ATE1: variants seen among roughly 807,000 people sequenced by gnomAD.
ATE1 encodes arginyltransferase 1, also known as arginyl-tRNA--protein transferase 1.
ATE1 carries 36 observed loss-of-function variants against 70.5 expected under a neutral mutation model. The observed-to-expected ratio is 0.51, with a 90% confidence interval of 0.39 to 0.67. The LOEUF (loss-of-function observed/expected upper bound fraction) is 0.67, where lower values mean the gene tolerates loss of function less well. Ranked by LOEUF, ATE1 falls within the 30% of genes least tolerant of loss-of-function variation. The pLI is 0.00. For missense variants in ATE1, 593 were observed against 629.5 expected (o/e 0.94, Z 0.62); for synonymous variants, 232 against 219.3 (o/e 1.06, Z -0.51).
intron 11 of ATE1, among the ~76,000 whole-genome samples, chr10:121,789,591 A>G (rs1156856130): frequency 6.6e-6 from 1 of 151,930 alleles, no homozygotes; most frequent in Non-Finnish European, 1.5e-5. Context: ...GAGCCACGGC[A>G]CCCAGCCAGG....
chr10:121,922,273 A>G, intron 3 of ATE1, 76 bp downstream of exon 3: 1 of 1,046,044 alleles, frequency 9.6e-7, no homozygotes, highest in Non-Finnish European at 1.4e-6. Flanking sequence ...AACATTAAAA[A>G]AGCACAAGAG....
intron 8 of ATE1, among the ~76,000 whole-genome samples, chr10:121,854,889 C>T (rs1241894681): frequency 6.6e-6 from 1 of 152,150 alleles, no homozygotes; most frequent in South Asian, 2.1e-4. Flanking sequence ...AAGTTTCCTC[C>T]CCTTTTCAGG....
intron 7 of ATE1, among the ~76,000 whole-genome samples, 168 bp downstream of exon 7, chr10:121,899,698 A>C (rs1950905417): frequency 6.6e-6 from 1 of 152,186 alleles, no homozygotes; most frequent in Non-Finnish European, 1.5e-5. Context: ...GCACTAGGTA[A>C]AATTTGCACT....
Position 121,899,776 on chromosome 10 carries a change from G to A in ATE1, c.942+90C>T, listed in dbSNP as rs527992655. On this transcript the variant is annotated intron_variant, in intron 7 of 11. Transcript: ENST00000224652. ...GCTGCAAATTGAACACAAATAAAAT[G>A]TAGCACAAATAAACCAAGATTTCAT... The A allele has an allele frequency of 3.3e-6, 5 of 1,503,712 alleles. No homozygotes were observed. In the South Asian group the frequency reaches 6.7e-5, roughly 20 times the overall value. The allele number at this position is 1,503,712 out of a possible 1,614,324, so 93.1% of individuals were successfully genotyped here.
intron 10 of ATE1, among the ~76,000 whole-genome samples, chr10:121,812,142 G>T (rs1947349736): frequency 6.6e-6 from 1 of 151,742 alleles, no homozygotes; most frequent in East Asian, 1.9e-4. Context: ...TTTTTGTAGA[G>T]ACTGGGTTTT....
chr10:121,865,819 A>C (rs1949645368), intron 8 of ATE1, among the ~76,000 whole-genome samples: 1 of 152,246 alleles, frequency 6.6e-6, no homozygotes, highest in African/African-American at 2.4e-5. Context: ...TTCAAATGAC[A>C]ACATATCAAA....
chr10:121,797,353 A>G (rs1946698607), intron 10 of ATE1, among the ~76,000 whole-genome samples: 1 of 152,118 alleles, frequency 6.6e-6, no homozygotes, highest in South Asian at 2.1e-4. Context: ...TTCATATACC[A>G]TTAAATTCAC....
chr10:121,819,134 T>A (rs1011544605), intron 10 of ATE1, among the ~76,000 whole-genome samples: 1 of 152,216 alleles, frequency 6.6e-6, no homozygotes, highest in African/African-American at 2.4e-5. Context: ...TTCATTTTCA[T>A]TAACTTGAAA....
intron 4 of ATE1, 128 bp from the exon 5 acceptor site, chr10:121,911,279 T>A (rs1951414108): frequency 1.7e-6 from 2 of 1,182,744 alleles, no homozygotes; most frequent in South Asian, 2.8e-5. Flanking sequence ...TCCATTCTCA[T>A]CCTCCAAAAT....
intron 5 of ATE1, among the ~76,000 whole-genome samples, chr10:121,904,446 C>T (rs1212182990): frequency 1.3e-5 from 2 of 150,720 alleles, no homozygotes; most frequent in Non-Finnish European, 3.0e-5. Context: ...TTGAGACCAA[C>T]CTGGCTAACA....
chr10:121,837,834 T>A lies in ATE1; in HGVS notation c.1158-1017A>T, dbSNP rs182154800. ...AGTTCAAACTGAGGAAAGAATGCACTGACACAAGCAAGCGTAAGACCACCA... is the reference window on the plus strand; with the variant it reads ...AGTTCAAACTGAGGAAAGAATGCACAGACACAAGCAAGCGTAAGACCACCA... On this transcript the variant is annotated intron_variant, in intron 9 of 11. Coordinates refer to ENST00000224652, the MANE Select transcript of ATE1 (RefSeq NM_001001976.3). Among the ~76,000 whole-genome samples, 3 of 152,250 alleles carry A rather than the reference T, an allele frequency of 2.0e-5. No individual in the cohort carries two copies. The East Asian group carries it at 5.8e-4, about 29-fold the overall frequency.
At chr10:121,857,051 C>T (rs1949275413) in intron 8 of ATE1, among the ~76,000 whole-genome samples, 1 of 152,274 alleles carries the variant, frequency 6.6e-6, no homozygotes, top group Admixed American at 6.5e-5. Context: ...AGTAAAACAT[C>T]CATAAAATTT....
At chr10:121,882,769 G>A (rs1041095102) in intron 7 of ATE1, among the ~76,000 whole-genome samples, 3 of 152,178 alleles carry the variant, frequency 2.0e-5, no homozygotes, top group Admixed American at 1.3e-4. Flanking sequence ...TTCTCAGGCA[G>A]GAGGTTAATC....
chr10:121,771,840 T>C (rs1468926285), intron 11 of ATE1, among the ~76,000 whole-genome samples: 2 of 152,218 alleles, frequency 1.3e-5, no homozygotes, highest in South Asian at 4.1e-4. Flanking sequence ...GCACGTGACA[T>C]TCATTTTACG....
At chr10:121,825,196 T>G (rs1301978468) in intron 10 of ATE1, among the ~76,000 whole-genome samples, 2 of 152,030 alleles carry the variant, frequency 1.3e-5, no homozygotes, top group Non-Finnish European at 1.5e-5. Flanking sequence ...GATGGAATTA[T>G]GGGAAATAAA....
At chr10:121,920,392 C>T (rs931262419) in intron 3 of ATE1, among the ~76,000 whole-genome samples, 5 of 151,638 alleles carry the variant, frequency 3.3e-5, no homozygotes, top group African/African-American at 1.2e-4. Context: ...ATTTGCCAGG[C>T]CTGGTGGTGT....
intron 9 of ATE1, among the ~76,000 whole-genome samples, 152 bp downstream of exon 9, chr10:121,840,927 ATAG>A (rs144436846): frequency 0.032 from 4,919 of 151,820 alleles, 149 homozygotes; most frequent in African/African-American, 0.081. Context: ...TACCTATTAT[ATAG>A]TAGTATGTAT....
chr10:121,743,064 G>C lies in ATE1; in HGVS notation c.*616C>G, dbSNP rs948262834. The C allele has an allele frequency of 2.0e-5, 3 of 152,216 alleles. No individual in the cohort carries two copies. The highest frequency in any genetic ancestry group is 2.9e-5 in the Non-Finnish European group (2 of 68,054). 9.4% of individuals were successfully genotyped at this position (152,216 alleles called of 1,614,324 possible). A position where few individuals can be genotyped will look rare whatever the true frequency, so the allele number is the denominator to read the frequency against. On this transcript the variant is annotated 3_prime_UTR_variant, in exon 12 of 12. Coordinates refer to ENST00000224652, the MANE Select transcript of ATE1 (RefSeq NM_001001976.3). The stretch of plus-strand genomic sequence containing the variant: ...AAAACTATGCCAAGACAACAGACAT[G>C]AACAGGACTGTCCTGAACAAATGGA...
chr10:121,745,569 A>C (rs1590196619), intron 11 of ATE1, among the ~76,000 whole-genome samples: 1 of 152,018 alleles, frequency 6.6e-6, no homozygotes, highest in African/African-American at 2.4e-5. Flanking sequence ...AAACCAAAAA[A>C]CAAAAAAATT....
Sources: gnomAD v4.1 joint callset for allele counts (sites outside exome capture counted in the v4.1 genomes callset) on GRCh38, gnomAD v4.1.1 for gene constraint, MANE v1.5 for transcripts, NCBI Gene and HGNC (gene_info 2026-07-23, HGNC 2026-07-21) for gene names.